Variants in FOXP2 observed in about 807,000 individuals in gnomAD.
The protein encoded by FOXP2 is forkhead box P2, also known as forkhead box protein P2.
Under a neutral mutation model 115.8 loss-of-function variants are expected in FOXP2, and 12 were observed. The observed-to-expected ratio is 0.10, with a 90% CI of 0.07 to 0.17. FOXP2 has a LOEUF of 0.17. Among genes scored for constraint, FOXP2 ranks in the 10% least tolerant of loss-of-function variants. The pLI is 1.00. For synonymous variants in FOXP2, 328 were observed against 297.7 expected (o/e 1.10, Z -1.05); for missense variants, 629 against 843.5 (o/e 0.75, Z 3.15).
chr7:114,181,697 T>G (rs1793461164), intron 1 of FOXP2, among the ~76,000 whole-genome samples: 1 of 152,082 alleles, frequency 6.6e-6, no homozygotes, highest in Non-Finnish European at 1.5e-5. Context: ...ATCTTTTGTT[T>G]GATACAGTCA....
At chr7:114,524,780 G>A (rs1211604597) in intron 2 of FOXP2, among the ~76,000 whole-genome samples, 4 of 151,644 alleles carry the variant, frequency 2.6e-5, no homozygotes, top group Admixed American at 1.3e-4. Flanking sequence ...TCTACATTGC[G>A]ACGTAATTAA....
chr7:114,419,722 A>G (rs945726984), intron 1 of FOXP2: 2 of 151,834 alleles, frequency 1.3e-5, no homozygotes, highest in African/African-American at 4.8e-5. Flanking sequence ...AGACACACAC[A>G]CACACACACA....
chr7:114,208,774 T>C (rs927386737), intron 1 of FOXP2, among the ~76,000 whole-genome samples: 13 of 152,044 alleles, frequency 8.6e-5, no homozygotes, highest in Non-Finnish European at 1.6e-4. Context: ...CTCCACAAGC[T>C]CTCTCTCTCT....
chr7:114,257,693 T>C (rs1795656660), intron 1 of FOXP2, among the ~76,000 whole-genome samples: 1 of 152,088 alleles, frequency 6.6e-6, no homozygotes. Flanking sequence ...GACCTTGTGA[T>C]CCACCAGCTT....
At chr7:114,157,864 T>A (rs918901948) in intron 1 of FOXP2, among the ~76,000 whole-genome samples, 6 of 152,110 alleles carry the variant, frequency 3.9e-5, no homozygotes, top group Admixed American at 2.0e-4. Context: ...TTGAAATTGT[T>A]ATTGGAGTAA....
intron 2 of FOXP2, among the ~76,000 whole-genome samples, chr7:114,463,600 G>A (rs944141606): frequency 6.6e-6 from 1 of 152,196 alleles, no homozygotes; most frequent in Non-Finnish European, 1.5e-5. Context: ...CTCATTTTAT[G>A]TGTAATCATT....
At chr7:114,523,525 T>A (rs1237938018) in intron 2 of FOXP2, among the ~76,000 whole-genome samples, 3 of 152,154 alleles carry the variant, frequency 2.0e-5, no homozygotes, top group African/African-American at 7.2e-5. Context: ...AGGGTCATAA[T>A]CTTTGTCTTG....
intron 2 of FOXP2, among the ~76,000 whole-genome samples, chr7:114,486,741 A>G (rs929934573): frequency 5.3e-5 from 8 of 152,224 alleles, no homozygotes; most frequent in Non-Finnish European, 8.8e-5. Context: ...TGCAGGCCCC[A>G]TGCAAGTTTG....
rs141599634 is a variant in FOXP2, at chr7:114,124,600, A to G, written c.-247+36762A>G. Among the ~76,000 whole-genome samples the G allele has an allele frequency of 2.8e-3, 425 of 152,148 alleles. 3 individuals are homozygous for G. Among genetic ancestry groups the G allele is most frequent in the African/African-American group, 1.0e-2 (415 of 41,540 alleles). On this transcript the variant is annotated intron_variant, in intron 1 of 19. Transcript: ENST00000635638. Reference sequence around the variant, plus strand: ...TATTTGTGCTCAGGCATTATGTTTTATCTATTTTTGTCCAAGATCAAGTGT... The same window carrying G: ...TATTTGTGCTCAGGCATTATGTTTTGTCTATTTTTGTCCAAGATCAAGTGT...
intron 1 of FOXP2, among the ~76,000 whole-genome samples, chr7:114,142,392 T>A (rs570017840): frequency 1.4e-4 from 21 of 152,288 alleles, no homozygotes; most frequent in Admixed American, 1.3e-3. Flanking sequence ...CACTATTATT[T>A]GTAGATAAAT....
chr7:114,322,474 A>G (rs191194502), intron 2 of FOXP2, among the ~76,000 whole-genome samples: 1 of 152,028 alleles, frequency 6.6e-6, no homozygotes, highest in African/African-American at 2.4e-5. Flanking sequence ...TTATCTCTAC[A>G]AAACATTAAT....
At chr7:114,617,708 G>GCTTGAACC (rs1159304512) in intron 3 of FOXP2, among the ~76,000 whole-genome samples, 1 of 152,206 alleles carries the variant, frequency 6.6e-6, no homozygotes, top group Non-Finnish European at 1.5e-5. Flanking sequence ...CTGGAAAATT[G>GCTTGAACC]CTTGAACCTG....
chr7:114,362,702 A>G (rs1425567755), intron 2 of FOXP2, among the ~76,000 whole-genome samples: 2 of 152,108 alleles, frequency 1.3e-5, no homozygotes, highest in Non-Finnish European at 2.9e-5. Context: ...TAGAAACCAA[A>G]ATGTTTTTCA....
intron 2 of FOXP2, among the ~76,000 whole-genome samples, chr7:114,355,137 C>T (rs1791590076): frequency 6.6e-6 from 1 of 152,102 alleles, no homozygotes; most frequent in African/African-American, 2.4e-5. Flanking sequence ...CAGCCCTTCT[C>T]ACCTTCTAGT....
intron 3 of FOXP2, among the ~76,000 whole-genome samples, chr7:114,613,366 C>A (rs538250263): frequency 6.6e-6 from 1 of 152,124 alleles, no homozygotes; most frequent in South Asian, 2.1e-4. Context: ...ATGGTACTTG[C>A]TTTTTGCATC....
At chr7:114,267,845 A>G (rs1795934588) in intron 1 of FOXP2, among the ~76,000 whole-genome samples, 1 of 151,520 alleles carries the variant, frequency 6.6e-6, no homozygotes. Context: ...GTATGGTTCA[A>G]TGTCATTAAG....
At chr7:114,584,438 A>G (rs1802026677) in intron 3 of FOXP2, among the ~76,000 whole-genome samples, 1 of 152,178 alleles carries the variant, frequency 6.6e-6, no homozygotes, top group Non-Finnish European at 1.5e-5. Context: ...AAAACTTGAC[A>G]ATTTTTTAAC....
At chr7:114,644,534 T>C in intron 7 of FOXP2, 151 bp from the exon 8 acceptor site, 1 of 687,152 alleles carries the variant, frequency 1.5e-6, no homozygotes, top group Admixed American at 2.1e-5. Flanking sequence ...AGTTGAACTA[T>C]TCAATAGAAC....
chr7:114,405,261 A>G (rs1172955698), intron 2 of FOXP2, among the ~76,000 whole-genome samples: 2 of 151,928 alleles, frequency 1.3e-5, no homozygotes, highest in African/African-American at 2.4e-5. Context: ...ATCAACGTCC[A>G]TATACTCCTT....
Sources: allele counts gnomAD v4.1 joint callset (sites outside exome capture counted in the v4.1 genomes callset), GRCh38; gene constraint gnomAD v4.1.1; transcripts MANE v1.5; gene names NCBI Gene and HGNC (gene_info 2026-07-23, HGNC 2026-07-21).